The following SMYD3 variants were observed in gnomAD, a reference collection of about 807,000 sequenced individuals.
SMYD3 encodes histone-lysine N-methyltransferase SMYD3.
Under a neutral mutation model 57.7 loss-of-function variants are expected in SMYD3, and 36 were observed. That is an observed-to-expected ratio of 0.62 (90% CI 0.48 to 0.82). The LOEUF (loss-of-function observed/expected upper bound fraction) is 0.82, where lower values mean the gene tolerates loss of function less well. Ranked by LOEUF, SMYD3 falls within the 40% of genes least tolerant of loss-of-function variation. The pLI, the probability that SMYD3 is intolerant of heterozygous loss-of-function variation, is 0.00. For missense variants in SMYD3, 515 were observed against 538.8 expected, an observed-to-expected ratio of 0.96 and a Z score of 0.44; for synonymous variants, 211 against 195.0, an observed-to-expected ratio of 1.08 and a Z score of -0.68.
At chr1:246,408,136 T>C (rs2066898198) in intron 1 of SMYD3, among the ~76,000 whole-genome samples, 1 of 151,998 alleles carries the variant, frequency 6.6e-6, no homozygotes, top group South Asian at 2.1e-4. Context: ...CACCTCTTAA[T>C]ATTATCACCT....
chr1:246,273,164 G>T (rs115436028), intron 5 of SMYD3, among the ~76,000 whole-genome samples: 3,355 of 82,968 alleles, frequency 0.04, 159 homozygotes, highest in African/African-American at 0.21. Context: ...TTTTTTTTGG[G>T]GGGGGGACAG....
intron 1 of SMYD3, among the ~76,000 whole-genome samples, chr1:246,496,077 GCC>G (rs1558491460): frequency 4.0e-5 from 6 of 151,554 alleles, no homozygotes; most frequent in African/African-American, 1.5e-4. Context: ...TCACTCTGTC[GCC>G]AGGCTGGAGT....
chr1:246,030,036 G>A (rs35724893), intron 5 of SMYD3, among the ~76,000 whole-genome samples: 9,077 of 147,436 alleles, frequency 0.062, 324 homozygotes, highest in African/African-American at 0.069. Flanking sequence ...CAAAAGAAAG[G>A]AAATCAAAGG....
intron 5 of SMYD3, among the ~76,000 whole-genome samples, chr1:245,988,974 ACCAATAAATT>A (rs2058759299): frequency 6.6e-6 from 1 of 152,216 alleles, no homozygotes; most frequent in African/African-American, 2.4e-5. Flanking sequence ...AGATCTGTGA[ACCAATAAATT>A]CCCCGTATCA....
intron 2 of SMYD3, among the ~76,000 whole-genome samples, chr1:246,352,958 C>T (rs2065854768): frequency 6.6e-6 from 1 of 152,182 alleles, no homozygotes; most frequent in South Asian, 2.1e-4. Context: ...TAATCTGTCG[C>T]TTCTCTATGT....
chr1:245,822,498 GTAAC>G (rs1317800503), intron 10 of SMYD3, among the ~76,000 whole-genome samples: 1 of 150,294 alleles, frequency 6.7e-6, no homozygotes, highest in African/African-American at 2.5e-5. Context: ...GTATACATAT[GTAAC>G]TAACCTGCAC....
chr1:246,435,561 AC>A (rs2067358212), intron 1 of SMYD3, among the ~76,000 whole-genome samples: 1 of 151,998 alleles, frequency 6.6e-6, no homozygotes, highest in Non-Finnish European at 1.5e-5. Context: ...TAACTGTAAT[AC>A]TAGATAAGGA....
intron 5 of SMYD3, among the ~76,000 whole-genome samples, chr1:246,314,529 C>T (rs1041854662): frequency 1.3e-5 from 2 of 152,108 alleles, no homozygotes; most frequent in African/African-American, 2.4e-5. Flanking sequence ...AAAATTAAAA[C>T]AAAGGAGTGC....
intron 1 of SMYD3, among the ~76,000 whole-genome samples, chr1:246,396,640 C>T (rs2066677994): frequency 6.6e-6 from 1 of 152,172 alleles, no homozygotes; most frequent in South Asian, 2.1e-4. Context: ...ATTATAATCC[C>T]CAGTGTTGAA....
intron 5 of SMYD3, 65 bp downstream of exon 5, chr1:246,327,136 T>C (rs3737245): frequency 0.85 from 1,355,447 of 1,599,054 alleles, 577,171 homozygotes; most frequent in African/African-American, 0.92. Flanking sequence ...TTTTTGTAAC[T>C]AACAACAAAA....
chr1:245,766,381 C>A (rs866502945), intron 10 of SMYD3, among the ~76,000 whole-genome samples: 14 of 111,918 alleles, frequency 1.3e-4, no homozygotes, highest in Non-Finnish European at 2.2e-4. Context: ...GCCTGGGCAA[C>A]AAGAGCGAGA....
intron 5 of SMYD3, among the ~76,000 whole-genome samples, chr1:246,266,807 G>GAGA (rs398103930): frequency 0.29 from 43,575 of 151,528 alleles, 7,786 homozygotes; most frequent in East Asian, 0.8. Flanking sequence ...AAGAGAGAGA[G>GAGA]AGAAGAGAAA....
intron 5 of SMYD3, among the ~76,000 whole-genome samples, chr1:246,306,950 T>C (rs1218803833): frequency 1.3e-5 from 2 of 152,174 alleles, no homozygotes; most frequent in African/African-American, 4.8e-5. Flanking sequence ...GGAAGTAACT[T>C]TGAGTTTCAA....
At chr1:245,889,196 T>C (rs1163889433) in intron 8 of SMYD3, among the ~76,000 whole-genome samples, 2 of 152,186 alleles carry the variant, frequency 1.3e-5, no homozygotes, top group African/African-American at 4.8e-5. Flanking sequence ...ACCAAAAGCA[T>C]AAGCCTTCAA....
At chr1:246,278,517 T>C (rs10924670) in intron 5 of SMYD3, among the ~76,000 whole-genome samples, 51,005 of 151,848 alleles carry the variant, frequency 0.34, 9,398 homozygotes, top group East Asian at 0.72. Context: ...AAGCCCTACC[T>C]GAGAAGGAAC....
chr1:246,048,554 C>T (rs2060009420), intron 5 of SMYD3, among the ~76,000 whole-genome samples: 1 of 152,002 alleles, frequency 6.6e-6, no homozygotes, highest in South Asian at 2.1e-4. Flanking sequence ...TGCAAAAAAA[C>T]TGTATTTTGC....
At chr1:245,775,023 G>A (rs927227151) in intron 10 of SMYD3, among the ~76,000 whole-genome samples, 4 of 152,116 alleles carry the variant, frequency 2.6e-5, no homozygotes, top group African/African-American at 7.2e-5. Context: ...GCCCAGGCTG[G>A]AGTGCAGTGG....
chr1:246,411,693 G>A (rs1263112878), intron 1 of SMYD3, among the ~76,000 whole-genome samples: 1 of 151,974 alleles, frequency 6.6e-6, no homozygotes, highest in Admixed American at 6.6e-5. Flanking sequence ...GATGAAGCTG[G>A]AAACCATCAT....
chr1:246,329,831 AT>A (rs1204733823), intron 4 of SMYD3, among the ~76,000 whole-genome samples: 2 of 152,218 alleles, frequency 1.3e-5, no homozygotes, highest in Non-Finnish European at 2.9e-5. Flanking sequence ...ATCCAGAAGT[AT>A]TAAACTGTGC....
Sources: allele counts gnomAD v4.1 joint callset (sites outside exome capture counted in the v4.1 genomes callset), GRCh38; gene constraint gnomAD v4.1.1; transcripts MANE v1.5; gene names NCBI Gene and HGNC (gene_info 2026-07-23, HGNC 2026-07-21).